The following AP2A1 variants were observed in gnomAD, a reference collection of about 807,000 sequenced individuals.
AP2A1 encodes the protein AP-2 complex subunit alpha-1.
A neutral mutation model predicts 107.3 loss-of-function variants in AP2A1; 21 were observed. The ratio of observed to expected loss-of-function variants is 0.20; its 90% CI spans 0.14 to 0.28. AP2A1 has a LOEUF of 0.28. Among genes scored for constraint, AP2A1 ranks in the 10% least tolerant of loss-of-function variants. The pLI, the probability that AP2A1 is intolerant of heterozygous loss-of-function variation, is 1.00. For synonymous variants in AP2A1, 602 were observed against 564.8 expected (o/e 1.07, Z -0.93); for missense variants, 873 against 1,307.7 (o/e 0.67, Z 5.13).
Position 49,803,162 on chromosome 19 carries a change from G to C in AP2A1, c.2227G>C (p.Val743Leu). 1 of 1,614,014 alleles carries C rather than the reference G, an allele frequency of 6.2e-7. No homozygotes were observed. The highest frequency in any genetic ancestry group is 8.5e-7 in the Non-Finnish European group (1 of 1,179,902). ...CGAGAACCAGCTGCTGCAGATCGGA[G>C]TCAAGTCAGAGTTCCGACAGAACCT... Reference protein sequence around the residue: ...LFENQLLQIGVKSEFRQNLGR... With the variant: ...LFENQLLQIGLKSEFRQNLGR... The change falls in exon 17 of 23, where the codon GTC becomes CTC. Residue 743 changes from valine (V) to leucine (L), a missense_variant. This residue lies in a region of AP2A1 where 416 missense variants were observed against 473.4 expected (regional missense o/e 0.88). Transcript: ENST00000354293.
At chr19:49,794,625 G>C (rs1462346824) in intron 6 of AP2A1, among the ~76,000 whole-genome samples, 1 of 152,088 alleles carries the variant, frequency 6.6e-6, no homozygotes, top group Non-Finnish European at 1.5e-5. Context: ...GCTTTTCAAG[G>C]TTGAATAGGA....
chr19:49,795,678 G>A lies in AP2A1; in HGVS notation c.754G>A (p.Val252Ile), dbSNP rs200285849. 158 of 1,567,812 alleles carry A rather than the reference G, an allele frequency of 1.0e-4. No individual in the cohort carries two copies. The highest frequency in any genetic ancestry group is 3.1e-4 in the East Asian group (13 of 42,554). The change falls in exon 7 of 23, where the codon GTC (valine) becomes ATC (isoleucine). Residue 252 changes from valine (V) to isoleucine (I), a missense_variant. By Grantham distance (29) the Val-to-Ile change is conservative. Around this residue, in one of 4 missense-constraint regions of AP2A1, gnomAD observed 157 missense variants for 212.6 expected, o/e 0.74. Transcript: ENST00000354293. Reference sequence around the variant, plus strand: ...CCTCCAGGACTACACCTACTACTTCGTCCCAGCACCCTGGCTCTCGGTGAA... The same window carrying A: ...CCTCCAGGACTACACCTACTACTTCATCCCAGCACCCTGGCTCTCGGTGAA... Reference protein sequence around the residue: ...TDLQDYTYYFVPAPWLSVKLL... With the variant: ...TDLQDYTYYFIPAPWLSVKLL...
rs767929990 is a variant in AP2A1, at chr19:49,803,198, C to G, written c.2254+9C>G. The stretch of plus-strand genomic sequence containing the variant: ...GTTCCGACAGAACCTGGGTGTGTCC[C>G]GGGGGACTGTGGGAATGGGTCGGAG... On this transcript the variant is annotated intron_variant, in intron 17 of 22. Transcript: ENST00000354293. 1.2e-6 allele frequency: 2 copies of G among 1,613,858 alleles called. No homozygotes were observed. The highest frequency in any genetic ancestry group is 4.5e-5 in the East Asian group (2 of 44,890).
At chr19:49,806,345 G>C in intron 22 of AP2A1, 92 bp downstream of exon 22, 1 of 1,432,996 alleles carries the variant, frequency 7.0e-7, no homozygotes, top group Non-Finnish European at 9.1e-7. Context: ...TTTAATTCAC[G>C]TCCCCACTTT....
intron 4 of AP2A1, among the ~76,000 whole-genome samples, chr19:49,787,789 C>G (rs2073092036): frequency 3.3e-5 from 5 of 152,208 alleles, no homozygotes; most frequent in Admixed American, 3.3e-4. Flanking sequence ...TCCCCATTCC[C>G]TCTTCCCCCC....
chr19:49,768,695 G>A (rs2123653975), intron 1 of AP2A1, among the ~76,000 whole-genome samples: 1 of 152,226 alleles, frequency 6.6e-6, no homozygotes, highest in Non-Finnish European at 1.5e-5. Context: ...GTTATGATAA[G>A]GGGCGGGGCT....
rs558127316 is a variant in AP2A1, at chr19:49,790,067, C to T, written c.474-1868C>T. On this transcript the variant is annotated intron_variant, in intron 4 of 22. Coordinates refer to ENST00000354293, the MANE Select transcript of AP2A1 (RefSeq NM_130787.3). Reference sequence around the variant, plus strand: ...CTGTGATGAATTACCACCAGCACAGCGGTGTCAAACACCGGTTCTGGATGT... The same window carrying T: ...CTGTGATGAATTACCACCAGCACAGTGGTGTCAAACACCGGTTCTGGATGT... Among the ~76,000 whole-genome samples the T allele has an allele frequency of 1.4e-3, 209 of 152,318 alleles. 1 individual carries two copies. The highest frequency in any genetic ancestry group is 4.8e-3 in the African/African-American group (198 of 41,574).
intron 4 of AP2A1, among the ~76,000 whole-genome samples, chr19:49,791,651 A>G (rs1453254197): frequency 2.0e-5 from 3 of 152,168 alleles, no homozygotes; most frequent in South Asian, 2.1e-4. Flanking sequence ...CTGGTACCCC[A>G]TGGGCACCCA....
Position 49,801,714 on chromosome 19 carries a change from C to A in AP2A1, c.1786-8C>A. 1 of 1,551,794 alleles carries A rather than the reference C, an allele frequency of 6.4e-7. No homozygotes were observed. The highest frequency in any genetic ancestry group is 8.7e-7 in the Non-Finnish European group (1 of 1,148,636). ...CCGAACTGACCTTCCCCACCCCGAC[C>A]GCGCCAGGCCACGGTGCTGGAGGAG... On this transcript the variant is annotated splice_region_variant and splice_polypyrimidine_tract_variant and intron_variant, in intron 13 of 22. Coordinates refer to ENST00000354293, the MANE Select transcript of AP2A1 (RefSeq NM_130787.3).
chr19:49,771,008 C>T (rs972433481), intron 1 of AP2A1, among the ~76,000 whole-genome samples: 6 of 151,816 alleles, frequency 4.0e-5, no homozygotes, highest in African/African-American at 1.5e-4. Context: ...TGTGCCACCA[C>T]ACCTGGCTAA....
In AP2A1 at chr19:49,767,011, C is replaced by A. The variant is rs2084508878; in HGVS notation, c.-123C>A. ...CCCGCCCGCCCGCCCGCCAGCCAGC[C>A]CTCCCCGCGGCCGGCTCGGCTCCTT... On this transcript the variant is annotated 5_prime_UTR_variant, in exon 1 of 23. Coordinates refer to ENST00000354293, the MANE Select transcript of AP2A1 (RefSeq NM_130787.3). The A allele has an allele frequency of 1.9e-6, 2 of 1,025,896 alleles. No homozygotes were observed. The highest frequency in any genetic ancestry group is 4.2e-5 in the Admixed American group (1 of 23,714). 63.5% of individuals were successfully genotyped at this position (1,025,896 alleles called of 1,614,324 possible). A position where few individuals can be genotyped will look rare whatever the true frequency, so the allele number is the denominator to read the frequency against.
In AP2A1 at chr19:49,801,994, C is replaced by T. The variant is rs747624025; in HGVS notation, c.1967C>T (p.Pro656Leu). Residue 656 changes from proline (P) to leucine (L), a missense_variant, in exon 15 of 23, where the codon CCC becomes CTC. By Grantham distance (98) the Pro-to-Leu change is moderately conservative. Around this residue, in one of 4 missense-constraint regions of AP2A1, gnomAD observed 416 missense variants for 473.4 expected, o/e 0.88. Transcript: ENST00000354293. ...PTPSTVSTPS[P>L]SADLLGLRAA... ...CGCTTCCTACAGTCGACGCCCTCGC[C>T]CTCCGCCGACCTCCTGGGGCTGCGG... is the stretch of plus-strand genomic sequence containing the variant. 2.6e-6 allele frequency: 4 copies of T among 1,524,708 alleles called. No individual in the cohort carries two copies. Among genetic ancestry groups the T allele is most frequent in the Non-Finnish European group, 3.5e-6 (4 of 1,140,988 alleles). The allele number at this position is 1,524,708 out of a possible 1,614,324, so 94.4% of individuals were successfully genotyped here.
chr19:49,776,128 C>T (rs573134344), intron 1 of AP2A1, among the ~76,000 whole-genome samples: 1 of 152,136 alleles, frequency 6.6e-6, no homozygotes, highest in Non-Finnish European at 1.5e-5. Context: ...CATGGCCCCC[C>T]CCAGCACCTC....
rs758373176 is a variant in AP2A1 at position 49,803,097 on chromosome 19, G to C, written c.2172-10G>C. 6.2e-7 allele frequency: 1 copy of C among 1,613,822 alleles called. No homozygotes were observed. Among genetic ancestry groups the C allele is most frequent in the Admixed American group, 1.7e-5 (1 of 59,994 alleles). ...GCACCCCCGTCATCTTGCGCCCCCT[G>C]CCCCCTCAGGTTTGTGTGTAAGAAC... On this transcript the variant is annotated splice_polypyrimidine_tract_variant and intron_variant, in intron 16 of 22. Coordinates refer to ENST00000354293, the MANE Select transcript of AP2A1 (RefSeq NM_130787.3).
chr19:49,805,192 A>C (rs1423138076), intron 18 of AP2A1: 1 of 419,814 alleles, frequency 2.4e-6, no homozygotes, highest in African/African-American at 2.0e-5. Context: ...ATTCAAACCC[A>C]AGTCAGCCTC....
intron 1 of AP2A1, among the ~76,000 whole-genome samples, chr19:49,779,888 A>C (rs556708269): frequency 6.6e-6 from 1 of 152,174 alleles, no homozygotes; most frequent in Non-Finnish European, 1.5e-5. Flanking sequence ...GGGTCCTCTT[A>C]GCACTGATCA....
Position 49,800,852 on chromosome 19 carries a change from C to T in AP2A1, c.1456-109C>T, listed in dbSNP as rs573801713. 49 of 882,620 alleles carry T rather than the reference C, an allele frequency of 5.6e-5. No individual in the cohort carries two copies. In the African/African-American group the frequency reaches 7.9e-4, roughly 14 times the overall value. 54.7% of individuals were successfully genotyped at this position (882,620 alleles called of 1,614,324 possible). The stretch of plus-strand genomic sequence containing the variant: ...ACTCAGTTTCCCACCTATAACCCCA[C>T]CTGCAGCAGAGCTTTCAGTGTTCCA... On this transcript the variant is annotated intron_variant, in intron 11 of 22. Coordinates refer to ENST00000354293, the MANE Select transcript of AP2A1 (RefSeq NM_130787.3).
rs188574088 is a variant in AP2A1, at chr19:49,790,443, T to C, written c.474-1492T>C. 4.3e-4 allele frequency among the ~76,000 whole-genome samples: 66 copies of C among 152,336 alleles called. No individual in the cohort carries two copies. The East Asian group carries it at 6.9e-3, about 16-fold the overall frequency. ...AAAGTACCCCCACCCTTTTTTTTGT[T>C]TGGAGACAGGGTCTTGCTCTGCCAC... On this transcript the variant is annotated intron_variant, in intron 4 of 22. Coordinates refer to ENST00000354293, the MANE Select transcript of AP2A1 (RefSeq NM_130787.3).
intron 5 of AP2A1, 130 bp downstream of exon 5, chr19:49,792,194 C>T: frequency 1.1e-6 from 1 of 938,362 alleles, no homozygotes; most frequent in South Asian, 1.6e-5. Flanking sequence ...TCAGCCCACG[C>T]ACCCCCTGGA....
Sources: allele counts gnomAD v4.1 joint callset (sites outside exome capture counted in the v4.1 genomes callset), GRCh38; gene constraint gnomAD v4.1.1; regional missense constraint gnomAD v4.1.1; transcripts MANE v1.5; gene names NCBI Gene and HGNC (gene_info 2026-07-23, HGNC 2026-07-21).